The following CHRNB3 variants were observed in gnomAD, a reference collection of about 807,000 sequenced individuals.
The protein encoded by CHRNB3 is neuronal acetylcholine receptor subunit beta-3.
A neutral mutation model predicts 40.6 loss-of-function variants in CHRNB3; 37 were observed. That is an observed-to-expected ratio of 0.91 (90% CI 0.70 to 1.20). The LOEUF (loss-of-function observed/expected upper bound fraction) is 1.20. Ranked by LOEUF, CHRNB3 falls within the 50% of genes most tolerant of loss-of-function variation. The probability of loss-of-function intolerance (pLI) is 0.00; values close to 1 mark genes in which losing one functional copy is unlikely to be tolerated. For synonymous variants in CHRNB3, 207 were observed against 207.1 expected (o/e 1.00, Z 0.00); for missense variants, 505 against 551.2 (o/e 0.92, Z 0.84).
At chr8:42,725,605 T>A (rs1029908357) in intron 3 of CHRNB3, 4 of 1,143,938 alleles carry the variant, frequency 3.5e-6, no homozygotes, top group Admixed American at 3.6e-5. Flanking sequence ...TATGCCCATC[T>A]CCTTGAGGAA....
In CHRNB3 at chr8:42,703,146, G is replaced by A. The variant is rs376628081; in HGVS notation, c.52+5548G>A. On this transcript the variant is annotated intron_variant, in intron 1 of 5. Transcript: ENST00000289957. ...TTCTGTAAGAGATTCATCCATGTCC[G>A]GGAGTGGTGGCTCATGCCTGTAATC... Among the ~76,000 whole-genome samples, 34 of 151,964 alleles carry A rather than the reference G, an allele frequency of 2.2e-4. No homozygotes were observed. The East Asian group carries it at 2.5e-3, about 11-fold the overall frequency.
chr8:42,718,809 T>C (rs1816170404), intron 3 of CHRNB3, among the ~76,000 whole-genome samples: 1 of 152,078 alleles, frequency 6.6e-6, no homozygotes, highest in Admixed American at 6.6e-5. Flanking sequence ...TGAGTGATCG[T>C]TCAGGTAATA....
chr8:42,726,050 C>T, intron 3 of CHRNB3: 7 of 952,794 alleles, frequency 7.3e-6, no homozygotes, highest in Non-Finnish European at 8.4e-6. Context: ...TTTCTGTCAC[C>T]AGGAATCTTG....
At chr8:42,704,658 TCA>T (rs1407799276) in intron 1 of CHRNB3, among the ~76,000 whole-genome samples, 4 of 152,092 alleles carry the variant, frequency 2.6e-5, no homozygotes, top group Admixed American at 2.6e-4. Flanking sequence ...TTCTCCCGGC[TCA>T]CAGTTGTCTG....
chr8:42,721,138 C>A (rs749020954), intron 3 of CHRNB3, among the ~76,000 whole-genome samples: 1 of 152,248 alleles, frequency 6.6e-6, no homozygotes, highest in Non-Finnish European at 1.5e-5. Flanking sequence ...CGTGCTGCAG[C>A]TGCATAGCCA....
chr8:42,709,606 T>C (rs1050152486), intron 2 of CHRNB3, among the ~76,000 whole-genome samples: 1 of 152,128 alleles, frequency 6.6e-6, no homozygotes, highest in Non-Finnish European at 1.5e-5. Context: ...GTTTAGCTAT[T>C]ATTTCCCTCT....
At chr8:42,719,268 TC>T (rs1816178100) in intron 3 of CHRNB3, among the ~76,000 whole-genome samples, 1 of 152,166 alleles carries the variant, frequency 6.6e-6, no homozygotes, top group Non-Finnish European at 1.5e-5. Context: ...CTTGCAAATG[TC>T]CTGTGGCTTG....
intron 1 of CHRNB3, among the ~76,000 whole-genome samples, chr8:42,699,815 A>G (rs1586388810): frequency 6.6e-6 from 1 of 151,562 alleles, no homozygotes; most frequent in Non-Finnish European, 1.5e-5. Flanking sequence ...TTGAATATGC[A>G]TTCTTTGATT....
chr8:42,725,567 G>A, intron 3 of CHRNB3: 1 of 920,106 alleles, frequency 1.1e-6, no homozygotes, highest in Non-Finnish European at 1.7e-6. Context: ...CAGATGAGCT[G>A]ATTGATGCAT....
At chr8:42,712,811 A>G (rs1304896131) in intron 3 of CHRNB3, among the ~76,000 whole-genome samples, 2 of 151,776 alleles carry the variant, frequency 1.3e-5, no homozygotes, top group Non-Finnish European at 2.9e-5. Context: ...AAAATCAAAC[A>G]AACACACAAA....
rs113722467 is a variant in CHRNB3, at chr8:42,702,906, A to G, written c.52+5308A>G. ...ATGTATATCGAATTGAATTTTTGCAATAAGGGAAGATGGCTGGCCTGGCCG... is the reference window on the plus strand; with the variant it reads ...ATGTATATCGAATTGAATTTTTGCAGTAAGGGAAGATGGCTGGCCTGGCCG... On this transcript the variant is annotated intron_variant, in intron 1 of 5. Coordinates refer to ENST00000289957, the MANE Select transcript of CHRNB3 (RefSeq NM_000749.5). 3.5e-4 allele frequency among the ~76,000 whole-genome samples: 54 copies of G among 152,352 alleles called. 1 individual carries two copies. The highest frequency in any genetic ancestry group is 1.3e-3 in the African/African-American group (54 of 41,584).
intron 1 of CHRNB3, among the ~76,000 whole-genome samples, chr8:42,701,693 G>T (rs1448991789): frequency 1.3e-5 from 2 of 152,304 alleles, no homozygotes; most frequent in African/African-American, 2.4e-5. Context: ...CCCTCACAGA[G>T]GTGTCTCTCC....
At chr8:42,733,846 C>T (rs896315782) in intron 5 of CHRNB3, among the ~76,000 whole-genome samples, 4 of 151,522 alleles carry the variant, frequency 2.6e-5, no homozygotes, top group African/African-American at 7.3e-5. Flanking sequence ...TCCACTGCCT[C>T]AGCCTCCCAA....
rs578155104 is a variant in CHRNB3, at chr8:42,711,622, T to C, written c.249+1188T>C. ...GTTGGCCAGGCTGGCCTCAAACTCC[T>C]GGCCTCAAGTGATCCGCCCACCCCA... On this transcript the variant is annotated intron_variant, in intron 3 of 5. Transcript: ENST00000289957. 9.9e-5 allele frequency among the ~76,000 whole-genome samples: 15 copies of C among 152,204 alleles called. No homozygotes were observed. The East Asian group carries it at 1.7e-3, about 18-fold the overall frequency.
chr8:42,706,733 T>C (rs554273854), intron 1 of CHRNB3, among the ~76,000 whole-genome samples: 2 of 152,184 alleles, frequency 1.3e-5, no homozygotes, highest in South Asian at 4.1e-4. Context: ...TTGGTACTAA[T>C]AGTAATCAAC....
At chr8:42,718,632 C>A (rs1692064667) in intron 3 of CHRNB3, among the ~76,000 whole-genome samples, 1 of 139,890 alleles carries the variant, frequency 7.1e-6, no homozygotes, top group African/African-American at 2.7e-5. Flanking sequence ...GAGATGGCGC[C>A]ACTGCGCTCC....
At chr8:42,724,497 C>T (rs1213096054) in intron 3 of CHRNB3, among the ~76,000 whole-genome samples, 1 of 152,100 alleles carries the variant, frequency 6.6e-6, no homozygotes, top group African/African-American at 2.4e-5. Flanking sequence ...ACAAAGGCCC[C>T]AGGAATCTCC....
intron 1 of CHRNB3, among the ~76,000 whole-genome samples, chr8:42,700,965 T>G (rs1815783328): frequency 6.6e-6 from 1 of 151,924 alleles, no homozygotes; most frequent in Non-Finnish European, 1.5e-5. Context: ...GGTGTGGGGC[T>G]TACGTCTGTA....
intron 1 of CHRNB3, among the ~76,000 whole-genome samples, chr8:42,704,949 G>T (rs994201666): frequency 1.2e-4 from 19 of 152,162 alleles, no homozygotes; most frequent in African/African-American, 4.6e-4. Flanking sequence ...CACATACCAA[G>T]AAATTTGGAG....
Sources: gnomAD v4.1 joint callset for allele counts (sites outside exome capture counted in the v4.1 genomes callset) on GRCh38, gnomAD v4.1.1 for gene constraint, MANE v1.5 for transcripts, NCBI Gene and HGNC (gene_info 2026-07-23, HGNC 2026-07-21) for gene names.